DENND1A: variants seen among roughly 807,000 people sequenced by gnomAD.
DENND1A encodes the protein DENN domain-containing protein 1A.
In DENND1A, 51 loss-of-function variants were observed where a neutral mutation model predicts 113.7. The ratio of observed to expected loss-of-function variants is 0.45; its 90% CI spans 0.36 to 0.57. DENND1A has a LOEUF of 0.57. Among genes scored for constraint, DENND1A ranks in the 20% least tolerant of loss-of-function variants. The pLI is 0.00. For missense variants in DENND1A, 1,258 were observed against 1,395.9 expected, an observed-to-expected ratio of 0.90 and a Z score of 1.57; for synonymous variants, 565 against 570.8, an observed-to-expected ratio of 0.99 and a Z score of 0.14.
At chr9:123,548,773 G>A (rs1006561927) in intron 13 of DENND1A, among the ~76,000 whole-genome samples, 29 of 152,372 alleles carry the variant, frequency 1.9e-4, no homozygotes, top group African/African-American at 7.0e-4. Flanking sequence ...TAACACGGAT[G>A]AACCTGGTGA....
At chr9:123,868,208 C>T (rs1441404124) in intron 2 of DENND1A, among the ~76,000 whole-genome samples, 4 of 152,138 alleles carry the variant, frequency 2.6e-5, no homozygotes, top group Admixed American at 2.6e-4. Context: ...CAATATTGCA[C>T]AGAGAAATCT....
chr9:123,618,464 A>G (rs1396507857), intron 10 of DENND1A, among the ~76,000 whole-genome samples: 1 of 152,216 alleles, frequency 6.6e-6, no homozygotes, highest in Non-Finnish European at 1.5e-5. Flanking sequence ...GCAGGTAGGC[A>G]GGAGTCGGGG....
chr9:123,596,666 C>T (rs1200807296), intron 11 of DENND1A, among the ~76,000 whole-genome samples: 1 of 152,216 alleles, frequency 6.6e-6, no homozygotes, highest in Admixed American at 6.5e-5. Context: ...AGGACAGTGG[C>T]CACTTCCACA....
intron 5 of DENND1A, among the ~76,000 whole-genome samples, chr9:123,699,688 C>CTTTTCTT (rs2065759313): frequency 8.9e-6 from 1 of 112,412 alleles, no homozygotes; most frequent in African/African-American, 3.9e-5. Flanking sequence ...TTCTTTCTTT[C>CTTTTCTT]TTTTTTTTTT....
At chr9:123,728,479 CAAAAA>C (rs60761810) in intron 5 of DENND1A, among the ~76,000 whole-genome samples, 180 of 25,168 alleles carry the variant, frequency 7.2e-3, no homozygotes, top group Non-Finnish European at 9.2e-3. Context: ...CTCTGTCTCC[CAAAAA>C]AAAAAAAAAA....
rs559573394 is a variant in DENND1A at position 123,819,129 on chromosome 9, A to C, written c.89-26499T>G. On this transcript the variant is annotated intron_variant, in intron 2 of 23. Coordinates refer to ENST00000394215, the MANE Select transcript of DENND1A (RefSeq NM_001352964.2). Reference sequence around the variant, plus strand: ...ATCATGCACAGTAAAGTTTTGGAACACTGCAGAGTATTTAACAACAATCCA... The same window carrying C: ...ATCATGCACAGTAAAGTTTTGGAACCCTGCAGAGTATTTAACAACAATCCA... Among the ~76,000 whole-genome samples, 3 of 152,356 alleles carry C rather than the reference A, an allele frequency of 2.0e-5. No homozygotes were observed. The East Asian group carries it at 5.8e-4, about 29-fold the overall frequency.
At chr9:123,700,603 C>T (rs151164257) in intron 5 of DENND1A, among the ~76,000 whole-genome samples, 25 of 152,292 alleles carry the variant, frequency 1.6e-4, no homozygotes, top group African/African-American at 5.1e-4. Context: ...CTCTGGAAAA[C>T]CTCAGTTTCT....
chr9:123,395,493 T>TGTGTGTGTGTGTGA (rs2043075187), intron 21 of DENND1A, among the ~76,000 whole-genome samples: 2 of 146,094 alleles, frequency 1.4e-5, no homozygotes, highest in African/African-American at 2.5e-5. Flanking sequence ...TGTGTGTGTG[T>TGTGTGTGTGTGTGA]GACAGAGAGA....
rs1464874446 is a variant in DENND1A, at chr9:123,771,454, CA to C, written c.133-1892del. Among the ~76,000 whole-genome samples, 5 of 152,278 alleles carry C rather than the reference CA, an allele frequency of 3.3e-5. No homozygotes were observed. In the East Asian group the frequency reaches 9.6e-4, roughly 29 times the overall value. ...TCTTAACTTCAGTATATGAAACAGCCATTCTTTAAAACTCAGTATTCAGTGC... is the reference window on the plus strand; with the variant it reads ...TCTTAACTTCAGTATATGAAACAGCCTTCTTTAAAACTCAGTATTCAGTGC... On this transcript the variant is annotated intron_variant, in intron 3 of 23. Transcript: ENST00000394215.
chr9:123,662,876 T>C (rs377330402), intron 8 of DENND1A, among the ~76,000 whole-genome samples: 7 of 152,162 alleles, frequency 4.6e-5, no homozygotes, highest in African/African-American at 1.4e-4. Context: ...ATTCTGTGTG[T>C]TTCGGGGTGG....
intron 3 of DENND1A, among the ~76,000 whole-genome samples, chr9:123,775,664 C>A (rs746819052): frequency 3.9e-5 from 6 of 152,146 alleles, no homozygotes; most frequent in Non-Finnish European, 7.4e-5. Flanking sequence ...AGAGAAAAAT[C>A]TTTCATTATC....
intron 6 of DENND1A, among the ~76,000 whole-genome samples, chr9:123,674,836 T>C (rs1231742535): frequency 1.5e-5 from 2 of 134,818 alleles, no homozygotes; most frequent in African/African-American, 3.2e-5. Flanking sequence ...GCTGAGTTTT[T>C]TTCTCTTTTT....
intron 2 of DENND1A, among the ~76,000 whole-genome samples, chr9:123,857,199 G>A (rs1032634449): frequency 6.6e-6 from 1 of 152,134 alleles, no homozygotes; most frequent in African/African-American, 2.4e-5. Flanking sequence ...ACTAAAAGAT[G>A]AGCACAGAAC....
At chr9:123,722,929 C>T (rs1310938381) in intron 5 of DENND1A, among the ~76,000 whole-genome samples, 2 of 152,248 alleles carry the variant, frequency 1.3e-5, no homozygotes. Context: ...GGGCCACCAT[C>T]CTCCAGACCC....
intron 12 of DENND1A, among the ~76,000 whole-genome samples, chr9:123,576,734 C>G (rs545249973): frequency 3.1e-4 from 47 of 152,296 alleles, no homozygotes; most frequent in African/African-American, 9.4e-4. Context: ...AGGTGATCCA[C>G]CTGCCTCAGT....
At chr9:123,386,249 A>C (rs986103667) in intron 22 of DENND1A, among the ~76,000 whole-genome samples, 26 of 151,590 alleles carry the variant, frequency 1.7e-4, no homozygotes, top group Admixed American at 1.4e-3. Context: ...ATGACATCAT[A>C]GATATTATTG....
intron 3 of DENND1A, among the ~76,000 whole-genome samples, chr9:123,781,301 T>C (rs906803479): frequency 3.3e-5 from 5 of 152,126 alleles, no homozygotes; most frequent in African/African-American, 1.2e-4. Flanking sequence ...GTATCCTGGA[T>C]TGGATGCTAT....
intron 12 of DENND1A, among the ~76,000 whole-genome samples, chr9:123,582,550 C>T (rs182169508): frequency 1.3e-5 from 2 of 151,912 alleles, no homozygotes; most frequent in African/African-American, 2.4e-5. Context: ...CAGGCACATG[C>T]CACCATGCTC....
intron 11 of DENND1A, among the ~76,000 whole-genome samples, chr9:123,585,936 C>G (rs1248439069): frequency 6.6e-6 from 1 of 152,106 alleles, no homozygotes; most frequent in Non-Finnish European, 1.5e-5. Flanking sequence ...TAAATCGTGG[C>G]TATTATTACT....
Sources: gnomAD v4.1 joint callset for allele counts (sites outside exome capture counted in the v4.1 genomes callset) on GRCh38, gnomAD v4.1.1 for gene constraint, MANE v1.5 for transcripts, NCBI Gene and HGNC (gene_info 2026-07-23, HGNC 2026-07-21) for gene names.